MED13L: variants seen among roughly 807,000 people sequenced by gnomAD.
MED13L encodes mediator of RNA polymerase II transcription subunit 13-like.
In MED13L, 7 loss-of-function variants were observed where a neutral mutation model predicts 220.9. That is an observed-to-expected ratio of 0.03 (90% CI 0.02 to 0.06). The LOEUF (loss-of-function observed/expected upper bound fraction) is 0.06, where lower values mean the gene tolerates loss of function less well. MED13L is among the 10% of genes least tolerant of loss of function. MED13L has a pLI of 1.00. For synonymous variants in MED13L, 1,011 were observed against 1,015.2 expected, an observed-to-expected ratio of 1.00 and a Z score of 0.08; for missense variants, 1,965 against 2,760.5, an observed-to-expected ratio of 0.71 and a Z score of 6.46.
intron 4 of MED13L, among the ~76,000 whole-genome samples, chr12:116,075,364 TAA>T (rs1870698070): frequency 6.6e-6 from 1 of 152,170 alleles, no homozygotes; most frequent in African/African-American, 2.4e-5. Context: ...TAACAAGACA[TAA>T]AGACTGTACA....
At chr12:116,075,973 G>A (rs1265646021) in intron 4 of MED13L, among the ~76,000 whole-genome samples, 1 of 150,060 alleles carries the variant, frequency 6.7e-6, no homozygotes, top group East Asian at 2.0e-4. Flanking sequence ...GAGTGCAGTG[G>A]CGCGATCTCG....
chr12:116,093,160 G>C (rs1334764309), intron 4 of MED13L, among the ~76,000 whole-genome samples: 1 of 152,006 alleles, frequency 6.6e-6, no homozygotes, highest in Non-Finnish European at 1.5e-5. Flanking sequence ...TCACCGGTTT[G>C]TTTTAAAACA....
At chr12:116,137,852 A>ATT (rs5801166) in intron 2 of MED13L, among the ~76,000 whole-genome samples, 14,857 of 118,358 alleles carry the variant, frequency 0.13, 1,212 homozygotes, top group African/African-American at 0.18. Flanking sequence ...TAATGAGGTA[A>ATT]TTTTTTTTTT....
intron 2 of MED13L, among the ~76,000 whole-genome samples, chr12:116,135,944 C>G (rs1876512535): frequency 6.6e-6 from 1 of 150,706 alleles, no homozygotes; most frequent in South Asian, 2.1e-4. Flanking sequence ...CACTCTGTTG[C>G]CCAGGCTGGA....
chr12:116,213,429 G>C (rs1277652207), intron 2 of MED13L, among the ~76,000 whole-genome samples: 1 of 152,088 alleles, frequency 6.6e-6, no homozygotes, highest in African/African-American at 2.4e-5. Flanking sequence ...TTTGTTTTCT[G>C]AGACGGAGTT....
intron 2 of MED13L, among the ~76,000 whole-genome samples, chr12:116,199,192 ATCT>A (rs760402558): frequency 3.2e-4 from 49 of 152,108 alleles, no homozygotes; most frequent in Admixed American, 5.9e-4. Context: ...TGTCTCTTCC[ATCT>A]TCTGTCCAAT....
chr12:116,087,235 C>T (rs1871771958), intron 4 of MED13L, among the ~76,000 whole-genome samples: 1 of 152,030 alleles, frequency 6.6e-6, no homozygotes, highest in African/African-American at 2.4e-5. Context: ...TTTATTTATG[C>T]TATCTTATTC....
intron 2 of MED13L, among the ~76,000 whole-genome samples, chr12:116,164,181 C>G (rs1180910856): frequency 6.6e-6 from 1 of 152,166 alleles, no homozygotes; most frequent in African/African-American, 2.4e-5. Context: ...CTTTTCCCAT[C>G]AGCACTATGC....
intron 4 of MED13L, among the ~76,000 whole-genome samples, chr12:116,072,065 A>G (rs551620200): frequency 3.5e-4 from 54 of 152,228 alleles, no homozygotes; most frequent in Non-Finnish European, 7.1e-4. Flanking sequence ...CGCATTTGTA[A>G]AACTTCCTTT....
At chr12:116,072,627 T>A (rs1248359375) in intron 4 of MED13L, among the ~76,000 whole-genome samples, 5 of 152,160 alleles carry the variant, frequency 3.3e-5, no homozygotes, top group Non-Finnish European at 7.3e-5. Flanking sequence ...AATTTTTGTA[T>A]TTTTAGTAGA....
intron 2 of MED13L, among the ~76,000 whole-genome samples, chr12:116,211,843 C>CA (rs1882716219): frequency 6.6e-6 from 1 of 152,156 alleles, no homozygotes; most frequent in South Asian, 2.1e-4. Context: ...TTCCATTTAA[C>CA]ACTTTTGTTA....
rs1873473564 is a variant in MED13L, at chr12:116,272,639, C to T, written c.72+4421G>A. On this transcript the variant is annotated intron_variant, in intron 1 of 30. Coordinates refer to ENST00000281928, the MANE Select transcript of MED13L (RefSeq NM_015335.5). ...ATAAATACATACTATCCTAAACACA[C>T]CCCCTTGCCCATTCTTCTCACAAAG... Among the ~76,000 whole-genome samples, 3 of 152,226 alleles carry T rather than the reference C, an allele frequency of 2.0e-5. No homozygotes were observed. The South Asian group carries it at 6.2e-4, about 32-fold the overall frequency.
rs1393045800 is a variant in MED13L at position 115,966,258 on chromosome 12, T to A, written c.6226-15A>T. On this transcript the variant is annotated splice_polypyrimidine_tract_variant and intron_variant, in intron 28 of 30. Transcript: ENST00000281928. The stretch of plus-strand genomic sequence containing the variant: ...TCACCCTGGCTCTGAAAAACAAAAA[T>A]CCCAAAAACATGATCAGCATTTATC... The A allele has an allele frequency of 1.2e-6, 2 of 1,613,634 alleles. No homozygotes were observed. Among genetic ancestry groups the A allele is most frequent in the Non-Finnish European group, 1.7e-6 (2 of 1,179,914 alleles).
intron 25 of MED13L, 137 bp from the exon 26 acceptor site, chr12:115,972,373 C>A: frequency 1.1e-6 from 1 of 942,764 alleles, no homozygotes. Context: ...TACATATGTT[C>A]CCCTCCTTGC....
chr12:116,271,218 TGTGA>T (rs1182895729), intron 1 of MED13L, among the ~76,000 whole-genome samples: 2 of 151,986 alleles, frequency 1.3e-5, no homozygotes, highest in Non-Finnish European at 1.5e-5. Context: ...TGTGTGTGTG[TGTGA>T]GTGTGTGCGC....
chr12:116,151,435 G>A (rs967737924), intron 2 of MED13L, among the ~76,000 whole-genome samples: 1 of 152,148 alleles, frequency 6.6e-6, no homozygotes, highest in African/African-American at 2.4e-5. Context: ...CCATTAGCAA[G>A]GTGTTAGGAC....
chr12:116,061,566 A>G (rs7302993), intron 4 of MED13L, among the ~76,000 whole-genome samples: 14,120 of 152,274 alleles, frequency 0.093, 744 homozygotes, highest in East Asian at 0.22. Context: ...TCAGGACATG[A>G]TAGTTACTAA....
chr12:116,110,554 T>C (rs1419251690), intron 3 of MED13L, among the ~76,000 whole-genome samples: 1 of 152,024 alleles, frequency 6.6e-6, no homozygotes, highest in African/African-American at 2.4e-5. Flanking sequence ...AAATGAAAAT[T>C]TGATGAGAAA....
At chr12:116,109,182 C>CA (rs1436031254) in intron 3 of MED13L, among the ~76,000 whole-genome samples, 2 of 150,398 alleles carry the variant, frequency 1.3e-5, no homozygotes, top group Non-Finnish European at 3.0e-5. Context: ...GCAATCTTCC[C>CA]ACCTCAACCT....
Sources: gnomAD v4.1 joint callset for allele counts (sites outside exome capture counted in the v4.1 genomes callset) on GRCh38, gnomAD v4.1.1 for gene constraint, MANE v1.5 for transcripts, NCBI Gene and HGNC (gene_info 2026-07-23, HGNC 2026-07-21) for gene names.